The following ABCA13 variants were observed in gnomAD, a reference collection of about 807,000 sequenced individuals.
The protein encoded by ABCA13 is ATP-binding cassette sub-family A member 13.
ABCA13 carries 476 observed loss-of-function variants against 478.7 expected under a neutral mutation model. The ratio of observed to expected loss-of-function variants is 0.99; its 90% CI spans 0.92 to 1.07. The LOEUF is 1.07. ABCA13 is among the 50% of genes least tolerant of loss of function. The probability of loss-of-function intolerance (pLI) is 0.00; values close to 1 mark genes in which losing one functional copy is unlikely to be tolerated. For missense variants in ABCA13, 6,060 were observed against 5,910.6 expected (o/e 1.03, Z -0.83); for synonymous variants, 2,252 against 2,158.9 (o/e 1.04, Z -1.20).
At chr7:48,549,517 A>G (rs1032092774) in intron 55 of ABCA13, among the ~76,000 whole-genome samples, 7 of 151,898 alleles carry the variant, frequency 4.6e-5, no homozygotes, top group African/African-American at 9.7e-5. Context: ...ATAGTGTTGC[A>G]ATAAACATAC....
At chr7:48,600,138 T>C (rs1790729126) in intron 58 of ABCA13, among the ~76,000 whole-genome samples, 1 of 152,240 alleles carries the variant, frequency 6.6e-6, no homozygotes, top group Admixed American at 6.5e-5. Context: ...GCTATCATAC[T>C]AATATTTTGA....
chr7:48,508,182 A>G, intron 50 of ABCA13, 133 bp downstream of exon 50: 1 of 1,085,084 alleles, frequency 9.2e-7, no homozygotes, highest in South Asian at 1.5e-5. Flanking sequence ...TCTTATTGAT[A>G]AGAGCATTTC....
At chr7:48,294,336 A>G (rs76739751) in intron 20 of ABCA13, among the ~76,000 whole-genome samples, 11,763 of 151,850 alleles carry the variant, frequency 0.077, 567 homozygotes, top group East Asian at 0.22. Flanking sequence ...TTCATTCTAC[A>G]TAACTGCAAC....
chr7:48,369,906 T>G, intron 32 of ABCA13, among the ~76,000 whole-genome samples: 1 of 145,598 alleles, frequency 6.9e-6, no homozygotes, highest in East Asian at 1.9e-4. Flanking sequence ...AATTTTAGGA[T>G]TTTTTTTTTA....
chr7:48,420,194 A>T (rs1283260936), intron 41 of ABCA13, among the ~76,000 whole-genome samples: 2 of 152,248 alleles, frequency 1.3e-5, no homozygotes, highest in Admixed American at 6.5e-5. Context: ...TCAGCTAAAA[A>T]GCATATTTTA....
chr7:48,624,590 C>T (rs1485764374), intron 59 of ABCA13, among the ~76,000 whole-genome samples: 2 of 150,994 alleles, frequency 1.3e-5, no homozygotes, highest in South Asian at 2.1e-4. Context: ...GCTCTTGTTG[C>T]CCAGGCTGGT....
At chr7:48,337,412 G>A (rs1312954697) in intron 28 of ABCA13, among the ~76,000 whole-genome samples, 1 of 152,138 alleles carries the variant, frequency 6.6e-6, no homozygotes, top group African/African-American at 2.4e-5. Flanking sequence ...AAAAAGAAAA[G>A]CAAACACCAA....
rs141023713 is a variant in ABCA13 at position 48,505,955 on chromosome 7, A to G, written c.13292-381A>G. Among the ~76,000 whole-genome samples, 82 of 152,280 alleles carry G rather than the reference A, an allele frequency of 5.4e-4. No individual in the cohort carries two copies. In the East Asian group the frequency reaches 0.015, roughly 29 times the overall value. ...TGGCTTGATCTAGAGGTGAATATTG[A>G]TCTGATTCATATCAGATAGTCTTCT... On this transcript the variant is annotated intron_variant, in intron 48 of 61. Coordinates refer to ENST00000435803, the MANE Select transcript of ABCA13 (RefSeq NM_152701.5).
At chr7:48,638,975 C>A (rs1163449907) in intron 59 of ABCA13, among the ~76,000 whole-genome samples, 1 of 152,088 alleles carries the variant, frequency 6.6e-6, no homozygotes, top group Non-Finnish European at 1.5e-5. Flanking sequence ...GTTGTGTGAC[C>A]CAAACAAGTT....
rs771930494 is a variant in ABCA13, at chr7:48,227,355, C to T, written c.562C>T (p.Leu188=). The T allele has an allele frequency of 2.5e-6, 4 of 1,603,336 alleles. No individual in the cohort carries two copies. The highest frequency in any genetic ancestry group is 1.7e-5 in the Admixed American group (1 of 58,612). Residue 188 remains leucine, a synonymous_variant, in exon 6 of 62, where the codon CTA becomes TTA. Coordinates refer to ENST00000435803, the MANE Select transcript of ABCA13 (RefSeq NM_152701.5). ...GGATTTTCTACTTTTACTGCCGAGA[C>T]TACACACAAGCCATGATCATGTGGA... The part of the protein sequence containing the change: ...IWDFLLLLPR[L]HTSHDHVEDG...
At chr7:48,577,544 A>G (rs570640515) in intron 55 of ABCA13, among the ~76,000 whole-genome samples, 8 of 152,294 alleles carry the variant, frequency 5.3e-5, no homozygotes, top group African/African-American at 1.9e-4. Context: ...GGAGAAATAG[A>G]CAATCCAAAT....
At chr7:48,223,535 T>C (rs12537136) in intron 5 of ABCA13, among the ~76,000 whole-genome samples, 29,058 of 151,934 alleles carry the variant, frequency 0.19, 3,482 homozygotes, top group East Asian at 0.33. Flanking sequence ...GTGTGGCTGA[T>C]TGATCATGTA....
In ABCA13 at chr7:48,331,979, T is replaced by C. The variant is rs1311213670; in HGVS notation, c.10000-3443T>C. The stretch of plus-strand genomic sequence containing the variant: ...ATTTTGTCATTTCTAGATTGTTGTA[T>C]ACATGGAATTATACAGCATGTAACC... On this transcript the variant is annotated intron_variant, in intron 27 of 61. Coordinates refer to ENST00000435803, the MANE Select transcript of ABCA13 (RefSeq NM_152701.5). Among the ~76,000 whole-genome samples, 3 of 152,372 alleles carry C rather than the reference T, an allele frequency of 2.0e-5. No individual in the cohort carries two copies. In the East Asian group the frequency reaches 5.8e-4, roughly 29 times the overall value.
intron 29 of ABCA13, 76 bp downstream of exon 29, chr7:48,338,531 G>T: frequency 9.1e-7 from 1 of 1,103,610 alleles, no homozygotes; most frequent in Non-Finnish European, 1.3e-6. Flanking sequence ...TCCCCCTTGG[G>T]CCATGGCATT....
chr7:48,431,678 C>T (rs1336098182), intron 42 of ABCA13, among the ~76,000 whole-genome samples: 1 of 152,162 alleles, frequency 6.6e-6, no homozygotes, highest in African/African-American at 2.4e-5. Context: ...TTTGCGGGCT[C>T]TGTTAGGTAC....
intron 42 of ABCA13, among the ~76,000 whole-genome samples, chr7:48,431,114 A>T (rs1441752300): frequency 6.6e-6 from 1 of 151,826 alleles, no homozygotes; most frequent in African/African-American, 2.4e-5. Flanking sequence ...GGTTGTGTTG[A>T]TTTCCACATA....
intron 13 of ABCA13, among the ~76,000 whole-genome samples, chr7:48,246,884 A>G (rs1322538974): frequency 6.6e-6 from 1 of 152,138 alleles, no homozygotes; most frequent in Non-Finnish European, 1.5e-5. Context: ...GCCTTAGATG[A>G]GGTGTAAGAT....
At chr7:48,409,290 A>C (rs1818676314) in intron 39 of ABCA13, among the ~76,000 whole-genome samples, 1 of 152,228 alleles carries the variant, frequency 6.6e-6, no homozygotes. Context: ...AACTTCACCA[A>C]AATATCTTCT....
intron 58 of ABCA13, among the ~76,000 whole-genome samples, chr7:48,598,341 A>C (rs1437355628): frequency 6.6e-6 from 1 of 152,148 alleles, no homozygotes; most frequent in African/African-American, 2.4e-5. Flanking sequence ...GCTGAACCAC[A>C]TCTTGGTTGC....
Sources: gnomAD v4.1 joint callset for allele counts (sites outside exome capture counted in the v4.1 genomes callset) on GRCh38, gnomAD v4.1.1 for gene constraint, MANE v1.5 for transcripts, NCBI Gene and HGNC (gene_info 2026-07-23, HGNC 2026-07-21) for gene names.